SPX: variants seen among roughly 807,000 people sequenced by gnomAD.
SPX encodes spexin.
SPX carries 22 observed loss-of-function variants against 19.2 expected under a neutral mutation model. That is an observed-to-expected ratio of 1.15 (90% CI 0.82 to 1.64). The LOEUF is 1.64. Among genes scored for constraint, SPX ranks in the 40% most tolerant of loss-of-function variants. SPX has a pLI of 0.00. For synonymous variants in SPX, 50 were observed against 53.3 expected (o/e 0.94, Z 0.27); for missense variants, 143 against 137.7 (o/e 1.04, Z -0.19).
Position 21,532,038 on chromosome 12 carries a change from C to T in SPX, c.*843C>T, listed in dbSNP as rs1166502548. ...CTAGACTCTAGGTTTTATTTGACAT[C>T]ATAGCATTACATAAATCACTCTGAT... On this transcript the variant is annotated 3_prime_UTR_variant, in exon 6 of 6. Coordinates refer to ENST00000256969, the MANE Select transcript of SPX (RefSeq NM_030572.4). 1 of 152,200 alleles carries T rather than the reference C, an allele frequency of 6.6e-6. No homozygotes were observed. The highest frequency in any genetic ancestry group is 1.9e-4 in the East Asian group (1 of 5,198). 9.4% of individuals were successfully genotyped at this position (152,200 alleles called of 1,614,324 possible).
chr12:21,532,335 G>T lies in SPX; in HGVS notation c.*1140G>T, dbSNP rs1458534235. On this transcript the variant is annotated 3_prime_UTR_variant, in exon 6 of 6. Coordinates refer to ENST00000256969, the MANE Select transcript of SPX (RefSeq NM_030572.4). ...ATTTAGCCATTATTTAGTAGCTCAA[G>T]AATATCTTTATGTGAATGTCTCTGT... The T allele has an allele frequency of 3.3e-5, 5 of 152,172 alleles. No individual in the cohort carries two copies. The highest frequency in any genetic ancestry group is 1.2e-4 in the African/African-American group (5 of 41,438). The allele number at this position is 152,172 out of a possible 1,614,324, so 9.4% of individuals were successfully genotyped here. A position where few individuals can be genotyped will look rare whatever the true frequency, so the allele number is the denominator to read the frequency against.
intron 4 of SPX, 154 bp downstream of exon 4, chr12:21,527,943 G>A: frequency 1.3e-6 from 1 of 764,728 alleles, no homozygotes; most frequent in Non-Finnish European, 2.0e-6. Context: ...CCCGAGGGCA[G>A]CCCGGGTTGG....
At chr12:21,526,597 G>A (rs1591767932) in intron 1 of SPX, 119 bp downstream of exon 1, 4 of 968,398 alleles carry the variant, frequency 4.1e-6, no homozygotes, top group East Asian at 2.6e-5. Flanking sequence ...TGAACGATAC[G>A]CCTTTAGAAT....
Position 21,526,374 on chromosome 12 carries a change from C to G in SPX, c.-99C>G, listed in dbSNP as rs990186511. 6.6e-6 allele frequency: 8 copies of G among 1,208,480 alleles called. No individual in the cohort carries two copies. The African/African-American group carries it at 1.1e-4, about 16-fold the overall frequency. The allele number at this position is 1,208,480 out of a possible 1,614,324, so 74.9% of individuals were successfully genotyped here. ...AACTCTACTCCAGATGGGGAGGTGC[C>G]CTTAACACCAAGATTTTAAAAGCTC... On this transcript the variant is annotated 5_prime_UTR_variant, in exon 1 of 6. Transcript: ENST00000256969.
At position 21,526,424 on chromosome 12, in the gene SPX, C is replaced by T; in HGVS notation, c.-49C>T. The T allele has an allele frequency of 6.4e-7, 1 of 1,553,536 alleles. No homozygotes were observed. The highest frequency in any genetic ancestry group is 8.8e-7 in the Non-Finnish European group (1 of 1,140,766). On this transcript the variant is annotated 5_prime_UTR_variant, in exon 1 of 6. Transcript: ENST00000256969. ...CCAATTTCAGAGCAAGAGTCGAAAA[C>T]TCACAGATAAAGTTATAGTTATTTC...
At chr12:21,530,549 A>C (rs893334099) in intron 5 of SPX, among the ~76,000 whole-genome samples, 3 of 152,092 alleles carry the variant, frequency 2.0e-5, no homozygotes, top group African/African-American at 7.2e-5. Flanking sequence ...ATTCTATCCT[A>C]TTTTTAGAGT....
chr12:21,526,493 T>C lies in SPX; in HGVS notation c.6+15T>C. The C allele has an allele frequency of 6.3e-7, 1 of 1,591,114 alleles. No individual in the cohort carries two copies. The highest frequency in any genetic ancestry group is 1.3e-5 in the African/African-American group (1 of 74,792). The stretch of plus-strand genomic sequence containing the variant: ...AGAACATGAAGGTAAGTAAAGGCTT[T>C]ATTAACTTGAGACTTCTTAGCTATT... On this transcript the variant is annotated intron_variant, in intron 1 of 5. Coordinates refer to ENST00000256969, the MANE Select transcript of SPX (RefSeq NM_030572.4).
intron 3 of SPX, chr12:21,527,519 G>A: frequency 3.2e-6 from 2 of 624,500 alleles, no homozygotes; most frequent in Non-Finnish European, 5.6e-6. Flanking sequence ...GTCAGGCGCG[G>A]GGCTTTCCTC....
intron 5 of SPX, among the ~76,000 whole-genome samples, chr12:21,530,169 A>G (rs1357041854): frequency 6.6e-6 from 1 of 152,198 alleles, no homozygotes; most frequent in Non-Finnish European, 1.5e-5. Flanking sequence ...AAATTGATAG[A>G]AAAGTTTTTG....
intron 3 of SPX, chr12:21,527,475 C>G: frequency 1.7e-6 from 1 of 599,504 alleles, no homozygotes; most frequent in Non-Finnish European, 3.0e-6. Flanking sequence ...CTCAGTAACC[C>G]GACCTCCGCT....
intron 5 of SPX, among the ~76,000 whole-genome samples, chr12:21,530,736 A>G (rs1422867460): frequency 6.6e-6 from 1 of 152,120 alleles, no homozygotes; most frequent in African/African-American, 2.4e-5. Flanking sequence ...TTCCCATGTC[A>G]TCTTTCCCGA....
Position 21,527,741 on chromosome 12 carries a change from A to G in SPX, c.160A>G (p.Ile54Val). 6.4e-7 allele frequency: 1 copy of G among 1,567,350 alleles called. No individual in the cohort carries two copies. Among genetic ancestry groups the G allele is most frequent in the Non-Finnish European group, 8.7e-7 (1 of 1,155,522 alleles). Residue 54 changes from isoleucine to valine, a missense_variant, in exon 4 of 6, where the codon ATC (isoleucine) becomes GTC (valine). Coordinates refer to ENST00000256969, the MANE Select transcript of SPX (RefSeq NM_030572.4). ...CGTTTTTGCAGAGGGTCGCCGCTTC[A>G]TCTCCGACCAGAGCCGGAGAAAGGA... The part of the protein sequence containing the change: ...YLKGAQGRRF[I>V]SDQSRRKDLS...
Position 21,532,884 on chromosome 12 carries a change from C to T in SPX, c.*1689C>T, listed in dbSNP as rs1296233528. On this transcript the variant is annotated 3_prime_UTR_variant, in exon 6 of 6. Transcript: ENST00000256969. ...AATATAGCTCCAAGTATTCTAAGTA[C>T]TCAAATTCCTTGAATGTTCTTATGT... 4 of 152,196 alleles carry T rather than the reference C, an allele frequency of 2.6e-5. No individual in the cohort carries two copies. The highest frequency in any genetic ancestry group is 9.6e-5 in the African/African-American group (4 of 41,454). The allele number at this position is 152,196 out of a possible 1,614,324, so 9.4% of individuals were successfully genotyped here. A position where few individuals can be genotyped will look rare whatever the true frequency, so the allele number is the denominator to read the frequency against.
intron 4 of SPX, 87 bp from the exon 5 acceptor site, chr12:21,528,914 T>C (rs1943839002): frequency 8.3e-7 from 1 of 1,207,842 alleles, no homozygotes; most frequent in African/African-American, 1.5e-5. Flanking sequence ...ATAGAGGTTT[T>C]TCTAGTATTG....
At chr12:21,529,888 G>A (rs931793453) in intron 5 of SPX, among the ~76,000 whole-genome samples, 5 of 152,170 alleles carry the variant, frequency 3.3e-5, no homozygotes, top group Non-Finnish European at 5.9e-5. Flanking sequence ...GAGTCAGTAC[G>A]AAAAGAGCTC....
chr12:21,528,025 A>G (rs1591768678), intron 4 of SPX: 1 of 526,818 alleles, frequency 1.9e-6, no homozygotes, highest in East Asian at 3.3e-5. Flanking sequence ...AATGGTGGCA[A>G]GGGCGGCCCA....
rs1030317109 is a variant in SPX at position 21,529,019 on chromosome 12, C to T, written c.227C>T (p.Pro76Leu). 1.2e-6 allele frequency: 2 copies of T among 1,614,046 alleles called. No homozygotes were observed. Among genetic ancestry groups the T allele is most frequent in the Non-Finnish European group, 1.7e-6 (2 of 1,179,988 alleles). Residue 76 changes from proline (P) to leucine (L), a missense_variant, in exon 5 of 6, where the codon CCC (proline) becomes CTC (leucine). Physicochemically the swap from Pro to Leu is moderately conservative, Grantham distance 98 (BLOSUM62 -3). Transcript: ENST00000256969. ...RPLPERRSPN[P>L]QLLTIPEAAT... is the part of the protein sequence containing the mutation. The stretch of plus-strand genomic sequence containing the variant: ...TCTGCAGAAAGACGAAGCCCAAATC[C>T]CCAACTACTAACTATTCCGGAGGCA...
At chr12:21,529,216 C>A in intron 5 of SPX, 132 bp downstream of exon 5, 1 of 753,634 alleles carries the variant, frequency 1.3e-6, no homozygotes, top group Non-Finnish European at 2.2e-6. Context: ...TTCTGTACTG[C>A]TTGAGTGAGG....
At position 21,526,336 on chromosome 12, in the gene SPX, C is replaced by T; in HGVS notation, c.-137C>T. On this transcript the variant is annotated 5_prime_UTR_variant, in exon 1 of 6. Transcript: ENST00000256969. ...TTGCTTGAAGACTGACAAGATGTCCCTGTGGACTCCCAAACTCTACTCCAG... is the reference window on the plus strand; with the variant it reads ...TTGCTTGAAGACTGACAAGATGTCCTTGTGGACTCCCAAACTCTACTCCAG... 1.5e-6 allele frequency: 1 copy of T among 664,216 alleles called. No individual in the cohort carries two copies. The highest frequency in any genetic ancestry group is 2.5e-6 in the Non-Finnish European group (1 of 398,450). The allele number at this position is 664,216 out of a possible 1,614,324, so 41.1% of individuals were successfully genotyped here. A position where few individuals can be genotyped will look rare whatever the true frequency, so the allele number is the denominator to read the frequency against.
Sources: gnomAD v4.1 joint callset for allele counts (sites outside exome capture counted in the v4.1 genomes callset) on GRCh38, gnomAD v4.1.1 for gene constraint, MANE v1.5 for transcripts, NCBI Gene and HGNC (gene_info 2026-07-23, HGNC 2026-07-21) for gene names.